AGBL2: variants seen among roughly 807,000 people sequenced by gnomAD.
AGBL2 encodes cytosolic carboxypeptidase 2.
Under a neutral mutation model 103.0 loss-of-function variants are expected in AGBL2, and 87 were observed. That is an observed-to-expected ratio of 0.84 (90% CI 0.71 to 1.01). The LOEUF (loss-of-function observed/expected upper bound fraction) is 1.01, where lower values mean the gene tolerates loss of function less well. Among genes scored for constraint, AGBL2 ranks in the 50% least tolerant of loss-of-function variants. The probability of loss-of-function intolerance (pLI) is 0.00; values close to 1 mark genes in which losing one functional copy is unlikely to be tolerated. For synonymous variants in AGBL2, 335 were observed against 356.7 expected, an observed-to-expected ratio of 0.94 and a Z score of 0.69; for missense variants, 904 against 1,023.5, an observed-to-expected ratio of 0.88 and a Z score of 1.59.
rs778802032 is a variant in AGBL2, at chr11:47,663,027, T to C, written c.2534A>G (p.Gln845Arg). 2.5e-6 allele frequency: 4 copies of C among 1,606,634 alleles called. No individual in the cohort carries two copies. In the Admixed American group the frequency reaches 5.1e-5, roughly 21 times the overall value. The change falls in exon 18 of 19, where the codon CAG becomes CGG. Residue 845 changes from glutamine to arginine, a missense_variant and splice_region_variant. Physicochemically the swap from Gln to Arg is conservative, Grantham distance 43 (BLOSUM62 1). Coordinates refer to ENST00000525123, the MANE Select transcript of AGBL2 (RefSeq NM_024783.4). ...LILPKNKGRMQNKKPGFTVSC... is the reference protein window; with the variant it reads ...LILPKNKGRMRNKKPGFTVSC... ...TATACAGTATATTAGGTGAAGTACC[T>C]GCATTCTCCCTTTATTCTTAGGCAG...
chr11:47,667,456 C>T, intron 16 of AGBL2, 115 bp downstream of exon 16: 1 of 1,290,586 alleles, frequency 7.7e-7, no homozygotes, highest in South Asian at 1.4e-5. Flanking sequence ...AAGTCTCCCT[C>T]TGCCCCAATC....
At chr11:47,663,915 C>T (rs963778819) in intron 17 of AGBL2, among the ~76,000 whole-genome samples, 5 of 151,712 alleles carry the variant, frequency 3.3e-5, no homozygotes, top group South Asian at 2.1e-4. Flanking sequence ...GTTGCAATGG[C>T]GCAATCTTGG....
chr11:47,681,844 A>G (rs893766390), intron 12 of AGBL2, 125 bp downstream of exon 12: 60 of 1,181,656 alleles, frequency 5.1e-5, no homozygotes, highest in Non-Finnish European at 6.7e-5. Context: ...AATTTAGCAT[A>G]AGTCTAGACA....
chr11:47,678,338 A>ATTTTTTTTTTT (rs1196435610), intron 13 of AGBL2, among the ~76,000 whole-genome samples: 7 of 95,290 alleles, frequency 7.3e-5, no homozygotes, highest in East Asian at 3.2e-4. Flanking sequence ...TTATTTTATT[A>ATTTTTTTTTTT]TTTTATTTTT....
At chr11:47,673,006 T>C (rs1381414073) in intron 14 of AGBL2, among the ~76,000 whole-genome samples, 1 of 152,116 alleles carries the variant, frequency 6.6e-6, no homozygotes, top group African/African-American at 2.4e-5. Flanking sequence ...GCTTCCTAAA[T>C]AGCTGGGGAG....
intron 3 of AGBL2, chr11:47,713,983 G>C (rs767145082): frequency 3.6e-6 from 1 of 278,740 alleles, no homozygotes; most frequent in Non-Finnish European, 6.9e-6. Flanking sequence ...TCCAGATAAA[G>C]ACTATTTTAA....
chr11:47,698,601 T>C lies in AGBL2; in HGVS notation c.694+845A>G, dbSNP rs75669697. Among the ~76,000 whole-genome samples the C allele has an allele frequency of 7.9e-3, 1,203 of 152,300 alleles. 13 individuals are homozygous for C. The highest frequency in any genetic ancestry group is 0.014 in the Non-Finnish European group (980 of 68,022). On this transcript the variant is annotated intron_variant, in intron 8 of 18. Transcript: ENST00000525123. ...CTTTTTCGTTTTGAAATTCAGGCAC[T>C]TAAAGCCATAAATACCCATAAATAT...
Position 47,691,729 on chromosome 11 carries a change from A to AAAAAAAAAAAATAAATATAT in AGBL2, c.848+373_848+374insATATATTTATTTTTTTTTTT. The stretch of plus-strand genomic sequence containing the variant: ...TCTCAAGAAAAAAAAAAAAAAAAAA[A>AAAAAAAAAAAATAAATATAT]ATATATATATATATATATATATATA... On this transcript the variant is annotated intron_variant, in intron 9 of 18. Coordinates refer to ENST00000525123, the MANE Select transcript of AGBL2 (RefSeq NM_024783.4). Among the ~76,000 whole-genome samples, 2 of 4,850 alleles carry AAAAAAAAAAAATAAATATAT rather than the reference A, an allele frequency of 4.1e-4. 1 individual carries two copies. The highest frequency in any genetic ancestry group is 7.3e-4 in the Non-Finnish European group (2 of 2,742). The allele number at this position is 4,850 out of a possible 152,430, so 3.2% of individuals were successfully genotyped here. A position where few individuals can be genotyped will look rare whatever the true frequency, so the allele number is the denominator to read the frequency against.
At chr11:47,682,219 A>T (rs375880245) in intron 11 of AGBL2, 124 bp from the exon 12 acceptor site, 1 of 976,064 alleles carries the variant, frequency 1.0e-6, no homozygotes, top group Non-Finnish European at 1.5e-6. Flanking sequence ...AGCATGTTCC[A>T]CAAAATACTA....
intron 7 of AGBL2, among the ~76,000 whole-genome samples, chr11:47,700,895 A>G (rs1361967364): frequency 1.3e-5 from 2 of 151,616 alleles, no homozygotes; most frequent in African/African-American, 2.4e-5. Context: ...CCCCGTCTCT[A>G]TTAAAAAATA....
chr11:47,682,595 T>C (rs1565036350), intron 11 of AGBL2, among the ~76,000 whole-genome samples: 1 of 152,170 alleles, frequency 6.6e-6, no homozygotes, highest in South Asian at 2.1e-4. Flanking sequence ...CTTCTGTCTA[T>C]GATGTGTATT....
intron 8 of AGBL2, among the ~76,000 whole-genome samples, chr11:47,692,706 C>T (rs2097452871): frequency 6.6e-6 from 1 of 152,038 alleles, no homozygotes; most frequent in Admixed American, 6.6e-5. Context: ...GCCACCACGC[C>T]TGGCCATCCA....
At chr11:47,710,207 T>C (rs2097532918) in intron 4 of AGBL2, 170 bp downstream of exon 4, 2 of 795,708 alleles carry the variant, frequency 2.5e-6, no homozygotes, top group Admixed American at 5.3e-5. Context: ...AGTATTTTGA[T>C]TTAAACCTGT....
At chr11:47,696,961 G>T (rs570871870) in intron 8 of AGBL2, among the ~76,000 whole-genome samples, 3 of 151,546 alleles carry the variant, frequency 2.0e-5, no homozygotes, top group South Asian at 4.2e-4. Flanking sequence ...ATAGAGTCTC[G>T]CTCTGTCACC....
chr11:47,690,075 C>G lies in AGBL2; in HGVS notation c.1631+1G>C, dbSNP rs781494422. 3 of 1,598,912 alleles carry G rather than the reference C, an allele frequency of 1.9e-6. No homozygotes were observed. Among genetic ancestry groups the G allele is most frequent in the Non-Finnish European group, 2.6e-6 (3 of 1,174,292 alleles). On this transcript the variant is annotated splice_donor_variant, in intron 10 of 18. Transcript: ENST00000525123. LOFTEE classifies it high-confidence loss of function. ...AAAGATCAACAGATAAAAAGTCTCA[C>G]CTTTTGATCATGTTCCTGGTGTACC...
chr11:47,662,808 T>C (rs563603601), intron 18 of AGBL2, among the ~76,000 whole-genome samples: 20 of 152,102 alleles, frequency 1.3e-4, no homozygotes, highest in Non-Finnish European at 2.8e-4. Context: ...ACTTACTCTT[T>C]TAAAAAAGCA....
intron 8 of AGBL2, among the ~76,000 whole-genome samples, chr11:47,696,253 T>C (rs1206938084): frequency 6.6e-6 from 1 of 151,034 alleles, no homozygotes; most frequent in African/African-American, 2.4e-5. Flanking sequence ...TGGGTTTTGT[T>C]TGTTTGTTTG....
At position 47,714,354 on chromosome 11, in the gene AGBL2, A is replaced by G. The variant is rs375236061; in HGVS notation, c.34-7T>C. The G allele has an allele frequency of 1.1e-4, 181 of 1,611,606 alleles. No individual in the cohort carries two copies. The highest frequency in any genetic ancestry group is 4.9e-4 in the Middle Eastern group (3 of 6,080). Reference sequence around the variant, plus strand: ...CATAAGGATCAGGAATAGTCTGTGAAAGGAAAGGCCACTTCAATCAAGATA... The same window carrying G: ...CATAAGGATCAGGAATAGTCTGTGAGAGGAAAGGCCACTTCAATCAAGATA... On this transcript the variant is annotated splice_polypyrimidine_tract_variant and splice_region_variant and intron_variant, in intron 2 of 18. Coordinates refer to ENST00000525123, the MANE Select transcript of AGBL2 (RefSeq NM_024783.4).
At chr11:47,697,845 CT>C (rs1475865403) in intron 8 of AGBL2, among the ~76,000 whole-genome samples, 3 of 151,368 alleles carry the variant, frequency 2.0e-5, no homozygotes, top group South Asian at 4.2e-4. Flanking sequence ...CGCGCCCGGC[CT>C]TTTTTTATTT....
Sources: gnomAD v4.1 joint callset for allele counts (sites outside exome capture counted in the v4.1 genomes callset) on GRCh38, gnomAD v4.1.1 for gene constraint, MANE v1.5 for transcripts, NCBI Gene and HGNC (gene_info 2026-07-23, HGNC 2026-07-21) for gene names.